MAPT: variants seen among roughly 807,000 people sequenced by gnomAD.
MAPT encodes the protein microtubule associated protein tau, also known as microtubule-associated protein tau.
Under a neutral mutation model 67.9 loss-of-function variants are expected in MAPT, and 34 were observed. The ratio of observed to expected loss-of-function variants is 0.50; its 90% CI spans 0.38 to 0.67. The LOEUF is 0.67. MAPT is among the 30% of genes least tolerant of loss of function. The pLI, the probability that MAPT is intolerant of heterozygous loss-of-function variation, is 0.00. For synonymous variants in MAPT, 456 were observed against 464.5 expected (o/e 0.98, Z 0.23); for missense variants, 881 against 1,115.2 (o/e 0.79, Z 2.99).
chr17:45,973,231 C>T (rs888437756), intron 3 of MAPT: 5 of 152,174 alleles, frequency 3.3e-5, no homozygotes, highest in Non-Finnish European at 7.3e-5. Flanking sequence ...TGGGCCTTGC[C>T]GCTGAGGTTC....
chr17:45,948,742 G>T (rs73984646), intron 1 of MAPT, among the ~76,000 whole-genome samples: 7,700 of 152,176 alleles, frequency 0.051, 633 homozygotes, highest in African/African-American at 0.17. Flanking sequence ...TTTGTTGTGT[G>T]AATTAAATGA....
At chr17:46,018,765 G>T in intron 12 of MAPT, 35 bp downstream of exon 12, 1 of 1,381,972 alleles carries the variant, frequency 7.2e-7, no homozygotes, top group Non-Finnish European at 1.0e-6. Context: ...TGCTGCCCTT[G>T]GGTATATGGG....
At position 45,983,894 on chromosome 17, in the gene MAPT, C is replaced by G. The variant is rs746015606; in HGVS notation, c.1315C>G (p.Arg439Gly). The G allele has an allele frequency of 3.2e-6, 5 of 1,585,050 alleles. No individual in the cohort carries two copies. Among genetic ancestry groups the G allele is most frequent in the Non-Finnish European group, 3.4e-6 (4 of 1,168,796 alleles). Reference protein sequence around the residue: ...PSEKQPAAAPRGKPVSRVPQL... With the variant: ...PSEKQPAAAPGGKPVSRVPQL... Reference sequence around the variant, plus strand: ...TGAAAAGCAGCCTGCTGCTGCTCCGCGGGGGAAGCCCGTCAGCCGGGTCCC... The same window carrying G: ...TGAAAAGCAGCCTGCTGCTGCTCCGGGGGGGAAGCCCGTCAGCCGGGTCCC... The change falls in exon 5 of 13, where the codon CGG (arginine) becomes GGG (glycine). Residue 439 changes from arginine to glycine, a missense_variant. Physicochemically the swap from Arg to Gly is moderately radical, Grantham distance 125. Around this residue, in one of 6 missense-constraint regions of MAPT, gnomAD observed 687 missense variants for 766.1 expected, o/e 0.90. Transcript: ENST00000262410.
In MAPT at chr17:45,987,114, G is replaced by A. The variant is rs752521463; in HGVS notation, c.1407+19G>A. On this transcript the variant is annotated intron_variant, in intron 6 of 12. Coordinates refer to ENST00000262410, the MANE Select transcript of MAPT (RefSeq NM_001377265.1). ...AGCCAAGGTAAGCTGACGATGCCAC[G>A]GAGCTCTGCAGCTGGTCAAGTTTAC... is the stretch of plus-strand genomic sequence containing the variant. 8.1e-6 allele frequency: 13 copies of A among 1,613,214 alleles called. No homozygotes were observed. Among genetic ancestry groups the A allele is most frequent in the East Asian group, 2.2e-5 (1 of 44,874 alleles).
chr17:46,022,304 A>C (rs1327662557), intron 12 of MAPT, among the ~76,000 whole-genome samples: 1 of 148,304 alleles, frequency 6.7e-6, no homozygotes, highest in Non-Finnish European at 1.5e-5. Flanking sequence ...CAGTGAGCTG[A>C]GATCGTGCCA....
intron 5 of MAPT, chr17:45,985,704 C>G (rs2073469454): frequency 3.0e-6 from 3 of 985,348 alleles, no homozygotes; most frequent in Non-Finnish European, 3.6e-6. Context: ...TTTTGTTGTG[C>G]CGTGGATGGT....
chr17:45,982,326 C>CA (rs996780623), intron 4 of MAPT, among the ~76,000 whole-genome samples: 17 of 112,830 alleles, frequency 1.5e-4, no homozygotes, highest in African/African-American at 2.2e-4. Flanking sequence ...TGTCTCAAAC[C>CA]AAAAAAAAGG....
chr17:45,900,777 A>G (rs1339504688), intron 1 of MAPT, among the ~76,000 whole-genome samples: 1 of 152,164 alleles, frequency 6.6e-6, no homozygotes, highest in Non-Finnish European at 1.5e-5. Flanking sequence ...GCTCACTGTG[A>G]GACCTAAGCC....
Position 45,989,988 on chromosome 17 carries a change from G to T in MAPT, c.1518G>T (p.Val506=). The T allele has an allele frequency of 1.2e-6, 2 of 1,614,140 alleles. No homozygotes were observed. The highest frequency in any genetic ancestry group is 1.7e-6 in the Non-Finnish European group (2 of 1,180,018). ...TGATCCAACCCTCCAGCCCTGCTGT[G>T]TGCCCAGAGCCACCTTCCTCTCCTA... The part of the protein sequence containing the change: ...DPLIQPSSPA[V]CPEPPSSPKY... The change falls in exon 7 of 13, where the codon GTG becomes GTT. Residue 506 remains valine (V), a synonymous_variant. Transcript: ENST00000262410.
chr17:45,941,697 TCCTG>T (rs1165832336), intron 1 of MAPT, among the ~76,000 whole-genome samples: 3,758 of 64,204 alleles, frequency 0.059, 299 homozygotes, highest in Middle Eastern at 0.11. Context: ...CTTCCTTCCT[TCCTG>T]CCTGCCTTCC....
At chr17:45,901,558 G>A (rs1378187688) in intron 1 of MAPT, among the ~76,000 whole-genome samples, 1 of 152,152 alleles carries the variant, frequency 6.6e-6, no homozygotes, top group Non-Finnish European at 1.5e-5. Flanking sequence ...TATCCAATAA[G>A]TATAGTCATT....
intron 1 of MAPT, among the ~76,000 whole-genome samples, chr17:45,952,808 C>A (rs1265304202): frequency 1.3e-5 from 2 of 152,138 alleles, no homozygotes; most frequent in Non-Finnish European, 2.9e-5. Flanking sequence ...GGATGTGAGA[C>A]CTGGCCACTG....
At chr17:46,020,767 A>G (rs1004008804) in intron 12 of MAPT, among the ~76,000 whole-genome samples, 1 of 152,162 alleles carries the variant, frequency 6.6e-6, no homozygotes, top group African/African-American at 2.4e-5. Flanking sequence ...ACCCTCCTCT[A>G]TGATTCAATT....
chr17:45,962,837 A>T (rs1468229245), intron 2 of MAPT, among the ~76,000 whole-genome samples: 6 of 152,164 alleles, frequency 3.9e-5, no homozygotes, highest in Non-Finnish European at 4.4e-5. Flanking sequence ...AGGCAGAAGG[A>T]TCACTTGAGC....
chr17:45,959,056 CTG>C (rs1276437433), intron 1 of MAPT, among the ~76,000 whole-genome samples: 2 of 152,168 alleles, frequency 1.3e-5, no homozygotes, highest in Non-Finnish European at 2.9e-5. Flanking sequence ...GAGCGAGACT[CTG>C]TCCCAGAAAA....
At chr17:45,909,222 G>A (rs549648630) in intron 1 of MAPT, among the ~76,000 whole-genome samples, 2 of 151,892 alleles carry the variant, frequency 1.3e-5, no homozygotes, top group East Asian at 3.9e-4. Flanking sequence ...GATGCAACCA[G>A]TGTGCCCTGG....
intron 1 of MAPT, among the ~76,000 whole-genome samples, chr17:45,912,378 G>A (rs1362497186): frequency 3.9e-5 from 6 of 152,196 alleles, no homozygotes; most frequent in Non-Finnish European, 5.9e-5. Flanking sequence ...TATTATCTAG[G>A]TAGGTCCTAA....
intron 1 of MAPT, among the ~76,000 whole-genome samples, chr17:45,918,360 G>A (rs1016238994): frequency 1.3e-5 from 2 of 152,204 alleles, no homozygotes; most frequent in African/African-American, 4.8e-5. Flanking sequence ...GTGGTGGAAA[G>A]GGCCCAGGCT....
chr17:45,991,960 A>G (rs1293689082), intron 8 of MAPT, among the ~76,000 whole-genome samples: 2 of 151,604 alleles, frequency 1.3e-5, no homozygotes, highest in African/African-American at 4.9e-5. Flanking sequence ...AATTTTTTGT[A>G]TTTTTAGTAG....
Sources: gnomAD v4.1 joint callset for allele counts (sites outside exome capture counted in the v4.1 genomes callset) on GRCh38, gnomAD v4.1.1 for gene constraint, gnomAD v4.1.1 regional missense constraint, MANE v1.5 for transcripts, NCBI Gene and HGNC (gene_info 2026-07-23, HGNC 2026-07-21) for gene names.